Variants in PRRC2B observed in about 807,000 individuals in gnomAD.
PRRC2B encodes protein PRRC2B.
Under a neutral mutation model 242.3 loss-of-function variants are expected in PRRC2B, and 68 were observed. The observed-to-expected ratio is 0.28, with a 90% CI of 0.23 to 0.34. PRRC2B has a LOEUF of 0.34. Among genes scored for constraint, PRRC2B ranks in the 10% least tolerant of loss-of-function variants. The pLI is 1.00. For synonymous variants in PRRC2B, 1,228 were observed against 1,173.6 expected, an observed-to-expected ratio of 1.05 and a Z score of -0.95; for missense variants, 2,835 against 2,954.8, an observed-to-expected ratio of 0.96 and a Z score of 0.94.
chr9:131,469,668 G>C (rs936917899), intron 13 of PRRC2B, among the ~76,000 whole-genome samples: 1 of 152,242 alleles, frequency 6.6e-6, no homozygotes, highest in Non-Finnish European at 1.5e-5. Flanking sequence ...GGTGTCCTCA[G>C]AGTGTGACGC....
At chr9:131,436,197 G>A (rs1055378050) in intron 3 of PRRC2B, among the ~76,000 whole-genome samples, 2 of 152,058 alleles carry the variant, frequency 1.3e-5, no homozygotes, top group Non-Finnish European at 2.9e-5. Flanking sequence ...AGGCAGAAAA[G>A]TTTCATTTTT....
At chr9:131,493,689 C>G (rs1292741159) in intron 30 of PRRC2B, among the ~76,000 whole-genome samples, 2 of 152,186 alleles carry the variant, frequency 1.3e-5, no homozygotes, top group African/African-American at 4.8e-5. Context: ...CCAAAGTGTT[C>G]TGGAAATAGA....
Position 131,482,241 on chromosome 9 carries a change from C to A in PRRC2B, c.4984-130C>A. 1 of 1,029,652 alleles carries A rather than the reference C, an allele frequency of 9.7e-7. No homozygotes were observed. The highest frequency in any genetic ancestry group is 1.4e-6 in the Non-Finnish European group (1 of 696,898). 63.8% of individuals were successfully genotyped at this position (1,029,652 alleles called of 1,614,324 possible). On this transcript the variant is annotated intron_variant, in intron 20 of 31. Coordinates refer to ENST00000683519, the MANE Select transcript of PRRC2B (RefSeq NM_013318.4). The surrounding 1 kb of genome is among the most constrained non-coding windows in gnomAD (Gnocchi z 5.2). ...TCAGGCATCCTCAGCAGGGCAGGAT[C>A]AAGATCAGGACCAGACTTGGCAAGG... is the stretch of plus-strand genomic sequence containing the variant.
At chr9:131,444,405 G>T (rs1838717573) in intron 6 of PRRC2B, 77 bp downstream of exon 6, 1 of 1,501,708 alleles carries the variant, frequency 6.7e-7, no homozygotes. Context: ...TCCTAAAAGG[G>T]TGCTGATGCC....
chr9:131,457,901 G>A (rs1190077814), intron 10 of PRRC2B, among the ~76,000 whole-genome samples: 2 of 152,040 alleles, frequency 1.3e-5, no homozygotes, highest in East Asian at 3.9e-4. Flanking sequence ...TACCTGCCTC[G>A]TCTTCCCTCC....
In PRRC2B at chr9:131,436,624, A is replaced by T. The variant is rs1300462830; in HGVS notation, c.298A>T (p.Ser100Cys). Residue 100 changes from serine (S) to cysteine (C), a missense_variant, in exon 4 of 32, where the codon AGT becomes TGT. Physicochemically the swap from Ser to Cys is moderately radical, Grantham distance 112 (BLOSUM62 -1). Coordinates refer to ENST00000683519, the MANE Select transcript of PRRC2B (RefSeq NM_013318.4). ...KQDQQDPKSS[S>C]ATASQPPESL... Reference sequence around the variant, plus strand: ...CACTGCCCTGCCTTTGTCTAGTTCCAGTGCGACGGCCTCTCAGCCGCCGGA... The same window carrying T: ...CACTGCCCTGCCTTTGTCTAGTTCCTGTGCGACGGCCTCTCAGCCGCCGGA... 1 of 1,613,344 alleles carries T rather than the reference A, an allele frequency of 6.2e-7. No homozygotes were observed.
chr9:131,432,848 G>T, intron 3 of PRRC2B, 54 bp downstream of exon 3: 1 of 1,581,488 alleles, frequency 6.3e-7, no homozygotes, highest in Non-Finnish European at 8.6e-7. Context: ...GGGTGGTCCC[G>T]GCATCCTTCC....
At chr9:131,432,167 T>C (rs982376193) in intron 2 of PRRC2B, among the ~76,000 whole-genome samples, 1 of 152,210 alleles carries the variant, frequency 6.6e-6, no homozygotes, top group Non-Finnish European at 1.5e-5. Flanking sequence ...TTGATCCTTT[T>C]CACACCCCAT....
chr9:131,490,301 C>T (rs1427535685), intron 28 of PRRC2B, among the ~76,000 whole-genome samples: 3 of 151,730 alleles, frequency 2.0e-5, no homozygotes, highest in Non-Finnish European at 2.9e-5. Flanking sequence ...AGCTGTGTCT[C>T]ATCCCCTCCA....
chr9:131,447,796 G>C lies in PRRC2B; in HGVS notation c.1112G>C (p.Gly371Ala). ...LDDLDADADD[G>A]WAGLHEEVDY... ...GATCTGGACGCCGATGCCGATGATG[G>C]CTGGGCAGGTGGGCAGAGAAGCACG... Residue 371 changes from glycine to alanine, a missense_variant, in exon 9 of 32, where the codon GGC becomes GCC. Coordinates refer to ENST00000683519, the MANE Select transcript of PRRC2B (RefSeq NM_013318.4). The C allele has an allele frequency of 6.2e-7, 1 of 1,612,262 alleles. No individual in the cohort carries two copies. The highest frequency in any genetic ancestry group is 8.5e-7 in the Non-Finnish European group (1 of 1,178,794).
intron 1 of PRRC2B, among the ~76,000 whole-genome samples, chr9:131,418,909 G>C (rs1047591782): frequency 6.6e-6 from 1 of 152,230 alleles, no homozygotes; most frequent in African/African-American, 2.4e-5. Context: ...GTATTGCAGC[G>C]TGACAGCACC....
chr9:131,476,054 A>G lies in PRRC2B; in HGVS notation c.3925A>G (p.Lys1309Glu). The G allele has an allele frequency of 1.2e-6, 2 of 1,607,034 alleles. No individual in the cohort carries two copies. The highest frequency in any genetic ancestry group is 1.7e-6 in the Non-Finnish European group (2 of 1,175,436). The change falls in exon 16 of 32, where the codon AAG becomes GAG. Residue 1309 changes from lysine (K) to glutamate (E), a missense_variant. Physicochemically the swap from Lys to Glu is moderately conservative, Grantham distance 56. Transcript: ENST00000683519. ...FRRRRPPRQD[K>E]PPRFRRLRQE... ...GAGAAGGCGCCCCCCACGCCAAGATAAGCCCCCTCGATTCCGGCGCCTCCG... is the reference window on the plus strand; with the variant it reads ...GAGAAGGCGCCCCCCACGCCAAGATGAGCCCCCTCGATTCCGGCGCCTCCG...
rs1943029358 is a variant in PRRC2B at position 131,454,932 on chromosome 9, C to T, written c.1121-144C>T. Reference sequence around the variant, plus strand: ...TACAGGCATGAGCCACCATGTTGGTCAGTCTGGTCTCAAACTCCTGTCCTC... The same window carrying T: ...TACAGGCATGAGCCACCATGTTGGTTAGTCTGGTCTCAAACTCCTGTCCTC... On this transcript the variant is annotated intron_variant, in intron 9 of 31. Coordinates refer to ENST00000683519, the MANE Select transcript of PRRC2B (RefSeq NM_013318.4). 14 of 625,664 alleles carry T rather than the reference C, an allele frequency of 2.2e-5. 1 individual carries two copies. In the South Asian group the frequency reaches 2.3e-4, roughly 10 times the overall value. The allele number at this position is 625,664 out of a possible 1,614,324, so 38.8% of individuals were successfully genotyped here.
chr9:131,475,690 C>G lies in PRRC2B; in HGVS notation c.3561C>G (p.Asp1187Glu). 6.2e-7 allele frequency: 1 copy of G among 1,612,752 alleles called. No homozygotes were observed. Among genetic ancestry groups the G allele is most frequent in the Non-Finnish European group, 8.5e-7 (1 of 1,179,536 alleles). Residue 1187 changes from aspartate (D) to glutamate (E), a missense_variant, in exon 16 of 32, where the codon GAC becomes GAG. Physicochemically the swap from Asp to Glu is conservative, Grantham distance 45. Coordinates refer to ENST00000683519, the MANE Select transcript of PRRC2B (RefSeq NM_013318.4). ...SWRSNKGCSE[D>E]HSGLDAKSRG... ...GGTCCAACAAGGGGTGCTCTGAGGA[C>G]CACAGCGGTCTAGATGCCAAGAGCC...
At position 131,475,388 on chromosome 9, in the gene PRRC2B, G is replaced by A. The variant is rs1322041626; in HGVS notation, c.3259G>A (p.Gly1087Ser). The change falls in exon 16 of 32, where the codon GGC becomes AGC. Residue 1087 changes from glycine (G) to serine (S), a missense_variant. Transcript: ENST00000683519. Reference protein sequence around the residue: ...RGRPAGGNGSGLCGGGVLGAR... With the variant: ...RGRPAGGNGSSLCGGGVLGAR... The stretch of plus-strand genomic sequence containing the variant: ...TCGGCCTGCTGGCGGAAATGGGAGC[G>A]GCCTCTGTGGTGGGGGGGTCCTGGG... 1.1e-5 allele frequency: 18 copies of A among 1,585,228 alleles called. No homozygotes were observed. The highest frequency in any genetic ancestry group is 1.1e-4 in the Admixed American group (6 of 55,824).
At chr9:131,410,040 C>T (rs1421015325) in intron 1 of PRRC2B, among the ~76,000 whole-genome samples, 3 of 152,176 alleles carry the variant, frequency 2.0e-5, no homozygotes, top group African/African-American at 4.8e-5. Flanking sequence ...TAAATTTTGA[C>T]GCCAGAGAGG....
intron 12 of PRRC2B, among the ~76,000 whole-genome samples, chr9:131,467,113 T>G (rs1321358043): frequency 6.6e-6 from 1 of 152,082 alleles, no homozygotes; most frequent in African/African-American, 2.4e-5. Context: ...TTTTGTACTT[T>G]CAATAGAAAT....
At chr9:131,431,485 G>A (rs552765294) in intron 2 of PRRC2B, among the ~76,000 whole-genome samples, 2 of 151,386 alleles carry the variant, frequency 1.3e-5, no homozygotes, top group South Asian at 2.1e-4. Flanking sequence ...GGCTGGTCTC[G>A]AACTCCCGAC....
chr9:131,488,541 C>T (rs1240495132), intron 28 of PRRC2B, among the ~76,000 whole-genome samples: 21 of 152,176 alleles, frequency 1.4e-4, no homozygotes, highest in African/African-American at 4.6e-4. Context: ...GGATGACAGG[C>T]GTGAGCCACC....
Sources: gnomAD v4.1 joint callset for allele counts (sites outside exome capture counted in the v4.1 genomes callset) on GRCh38, gnomAD v4.1.1 for gene constraint, Gnocchi (gnomAD v3.1) non-coding constraint, MANE v1.5 for transcripts, NCBI Gene and HGNC (gene_info 2026-07-23, HGNC 2026-07-21) for gene names.